Variants in INSL6 observed in about 807,000 individuals in gnomAD.
INSL6 encodes insulin-like peptide INSL6.
INSL6 carries 16 observed loss-of-function variants against 9.4 expected under a neutral mutation model. The observed-to-expected ratio is 1.70, with a 90% CI of 1.15 to 2.59. The LOEUF is 2.59. Ranked by LOEUF, INSL6 falls within the 30% of genes most tolerant of loss-of-function variation. The probability of loss-of-function intolerance (pLI) is 0.00; values close to 1 mark genes in which losing one functional copy is unlikely to be tolerated. For missense variants in INSL6, 391 were observed against 257.3 expected, an observed-to-expected ratio of 1.52 and a Z score of -3.56; for synonymous variants, 154 against 96.9, an observed-to-expected ratio of 1.59 and a Z score of -3.46.
At chr9:5,081,259 A>T in the INSL6 span, among the ~76,000 whole-genome samples, 5 of 149,918 alleles carry the variant, frequency 3.3e-5, no homozygotes, top group East Asian at 7.8e-4. Context: ...AAATTATAGT[A>T]TTTTTTTTTT....
the INSL6 span, among the ~76,000 whole-genome samples, chr9:5,106,257 C>G: frequency 6.6e-6 from 1 of 152,206 alleles, no homozygotes; most frequent in Non-Finnish European, 1.5e-5. Context: ...AGACACTTCT[C>G]AAAAGAAGGC....
the INSL6 span, among the ~76,000 whole-genome samples, chr9:5,040,443 T>C: frequency 6.6e-6 from 1 of 150,722 alleles, no homozygotes. Flanking sequence ...AAAAGAAAAA[T>C]AGTTAAGTTA....
the INSL6 span, among the ~76,000 whole-genome samples, chr9:5,013,675 A>C: frequency 6.6e-6 from 1 of 152,158 alleles, no homozygotes; most frequent in Non-Finnish European, 1.5e-5. Context: ...TTTCCTTTTA[A>C]GGTCCAGCCT....
the INSL6 span, among the ~76,000 whole-genome samples, chr9:5,013,511 T>C: frequency 6.6e-6 from 1 of 152,212 alleles, no homozygotes. Context: ...TGTGGAAAAG[T>C]TGAGAAGCAC....
the INSL6 span, among the ~76,000 whole-genome samples, chr9:5,058,294 G>A: frequency 4.6e-5 from 7 of 152,218 alleles, no homozygotes; most frequent in East Asian, 1.9e-4. Context: ...CTCGCAGTTC[G>A]GCATGGCTGG....
At chr9:5,043,557 A>G in the INSL6 span, among the ~76,000 whole-genome samples, 1 of 152,192 alleles carries the variant, frequency 6.6e-6, no homozygotes, top group Non-Finnish European at 1.5e-5. Context: ...TAAAAGGGTA[A>G]ACAAAGAGTT....
chr9:5,125,085 T>C (rs1823886491), intron 3 of INSL6, among the ~76,000 whole-genome samples: 2 of 151,098 alleles, frequency 1.3e-5, no homozygotes, highest in Non-Finnish European at 3.0e-5. Flanking sequence ...CATCATAGAA[T>C]TTTTTTTAAT....
At chr9:5,046,061 T>C in the INSL6 span, among the ~76,000 whole-genome samples, 1 of 152,200 alleles carries the variant, frequency 6.6e-6, no homozygotes, top group African/African-American at 2.4e-5. Context: ...CTTTGTTTGA[T>C]AATAGCCATC....
chr9:5,184,941 T>G (rs1052644809), intron 1 of INSL6, among the ~76,000 whole-genome samples: 2 of 152,330 alleles, frequency 1.3e-5, no homozygotes, highest in East Asian at 3.9e-4. Flanking sequence ...ATGTGCTAGA[T>G]ACTGTGGTAG....
chr9:5,164,873 T>A (rs558849243), intron 1 of INSL6, among the ~76,000 whole-genome samples: 1 of 152,232 alleles, frequency 6.6e-6, no homozygotes, highest in Non-Finnish European at 1.5e-5. Flanking sequence ...CATTTATCAA[T>A]TGATGGACAT....
the INSL6 span, among the ~76,000 whole-genome samples, chr9:5,016,338 G>A: frequency 6.6e-6 from 1 of 152,126 alleles, no homozygotes; most frequent in African/African-American, 2.4e-5. Context: ...GATAGCCCAG[G>A]TAGGCTAAGT....
downstream of INSL6, among the ~76,000 whole-genome samples, chr9:5,161,490 G>C (rs1824925369): frequency 6.6e-6 from 1 of 152,100 alleles, no homozygotes; most frequent in African/African-American, 2.4e-5. Flanking sequence ...ATAGGAAATA[G>C]GGAAAAACTG....
At chr9:5,052,029 T>C in the INSL6 span, among the ~76,000 whole-genome samples, 1 of 152,094 alleles carries the variant, frequency 6.6e-6, no homozygotes, top group Non-Finnish European at 1.5e-5. Flanking sequence ...TATGCCAGGC[T>C]ATAGTAGAAC....
the INSL6 span, among the ~76,000 whole-genome samples, chr9:5,052,710 C>CA: frequency 6.6e-6 from 1 of 152,038 alleles, no homozygotes. Context: ...TTTCCTGTCT[C>CA]AAACATTTCA....
chr9:5,158,942 AAGAC>A (rs781502551), downstream of INSL6, among the ~76,000 whole-genome samples: 10 of 152,312 alleles, frequency 6.6e-5, no homozygotes, highest in African/African-American at 1.4e-4. Flanking sequence ...AGAACTTTTC[AAGAC>A]AGACAGTATA....
At chr9:5,044,611 G>A in the INSL6 span, 1 of 774,086 alleles carries the variant, frequency 1.3e-6, no homozygotes, top group African/African-American at 1.8e-5. Context: ...CTTTACATAT[G>A]GGAAAATTGC....
intron 1 of INSL6, among the ~76,000 whole-genome samples, chr9:5,184,263 G>T (rs977884789): frequency 2.0e-5 from 3 of 152,098 alleles, no homozygotes; most frequent in African/African-American, 7.2e-5. Flanking sequence ...CTTAATTTCA[G>T]AAATCTTCAC....
chr9:5,110,790 C>T, the INSL6 span: 8 of 407,466 alleles, frequency 2.0e-5, no homozygotes, highest in Non-Finnish European at 3.8e-5. Context: ...GGGCCCGGGC[C>T]ACGCGCGACG....
At chr9:5,027,698 A>G in the INSL6 span, among the ~76,000 whole-genome samples, 1 of 152,218 alleles carries the variant, frequency 6.6e-6, no homozygotes, top group African/African-American at 2.4e-5. Flanking sequence ...GATTAAGTTG[A>G]TGTAGTATTA....
Sources: allele counts gnomAD v4.1 joint callset (sites outside exome capture counted in the v4.1 genomes callset), GRCh38; gene constraint gnomAD v4.1.1; transcripts MANE v1.5; gene names NCBI Gene and HGNC (gene_info 2026-07-23, HGNC 2026-07-21).